ENTREP2: variants seen among roughly 807,000 people sequenced by gnomAD.
The protein encoded by ENTREP2 is protein ENTREP2.
the ENTREP2 span, among the ~76,000 whole-genome samples, chr15:29,622,526 A>G: frequency 2.0e-5 from 3 of 152,106 alleles, no homozygotes; most frequent in Non-Finnish European, 2.9e-5. Context: ...AAATTTTATT[A>G]TATGTGTTTT....
the ENTREP2 span, among the ~76,000 whole-genome samples, chr15:29,386,126 C>T: frequency 6.6e-6 from 1 of 152,176 alleles, no homozygotes; most frequent in Non-Finnish European, 1.5e-5. Context: ...CCTCCAAGCC[C>T]ATGTGTGATC....
chr15:29,519,309 T>C, the ENTREP2 span, among the ~76,000 whole-genome samples: 2 of 152,030 alleles, frequency 1.3e-5, no homozygotes, highest in East Asian at 1.9e-4. Context: ...TCCACTTATA[T>C]GTGGATTTTT....
the ENTREP2 span, among the ~76,000 whole-genome samples, chr15:29,558,649 C>T: frequency 3.3e-3 from 2 of 602 alleles, no homozygotes; most frequent in South Asian, 0.038. Context: ...GTCAAAGTTA[C>T]ACCAAGTGTG....
At chr15:29,502,963 G>C in the ENTREP2 span, among the ~76,000 whole-genome samples, 5 of 151,914 alleles carry the variant, frequency 3.3e-5, no homozygotes, top group South Asian at 1.0e-3. Flanking sequence ...CAGAAAATAA[G>C]TGTTGGCAAG....
the ENTREP2 span, among the ~76,000 whole-genome samples, chr15:29,304,202 A>C: frequency 6.6e-6 from 1 of 152,060 alleles, no homozygotes; most frequent in Non-Finnish European, 1.5e-5. Context: ...TTTCTTTATC[A>C]ACACTCCACT....
chr15:29,412,543 T>G, the ENTREP2 span, among the ~76,000 whole-genome samples: 2 of 152,176 alleles, frequency 1.3e-5, no homozygotes, highest in African/African-American at 2.4e-5. Flanking sequence ...AGTTTGTATA[T>G]GTATTTTTTC....
the ENTREP2 span, among the ~76,000 whole-genome samples, chr15:29,189,299 A>C: frequency 2.6e-5 from 4 of 152,078 alleles, no homozygotes; most frequent in Non-Finnish European, 5.9e-5. Flanking sequence ...AACTGAGCAC[A>C]CCCAGCTGGT....
the ENTREP2 span, among the ~76,000 whole-genome samples, chr15:29,652,382 C>T: frequency 6.6e-6 from 1 of 152,240 alleles, no homozygotes; most frequent in Non-Finnish European, 1.5e-5. Context: ...ATCTTGCTCA[C>T]CCTCCACTTG....
chr15:29,649,934 C>T, the ENTREP2 span, among the ~76,000 whole-genome samples: 1 of 151,802 alleles, frequency 6.6e-6, no homozygotes, highest in African/African-American at 2.4e-5. Context: ...GGGACATTTC[C>T]CCTTGGTAAC....
At chr15:29,234,609 A>C in the ENTREP2 span, 1 of 1,539,512 alleles carries the variant, frequency 6.5e-7, no homozygotes, top group Non-Finnish European at 9.0e-7. Flanking sequence ...TCTTTTGTGC[A>C]GCTAGTTTTG....
the ENTREP2 span, among the ~76,000 whole-genome samples, chr15:29,181,668 C>T: frequency 6.6e-6 from 1 of 152,024 alleles, no homozygotes; most frequent in South Asian, 2.1e-4. Context: ...TAACAGAATA[C>T]AGTTATATGT....
chr15:29,500,583 T>A, the ENTREP2 span, among the ~76,000 whole-genome samples: 10 of 152,092 alleles, frequency 6.6e-5, no homozygotes, highest in East Asian at 1.7e-3. Context: ...ATCTTTCATA[T>A]CAGAGTTTAA....
chr15:29,231,209 C>T, the ENTREP2 span, among the ~76,000 whole-genome samples: 1 of 152,188 alleles, frequency 6.6e-6, no homozygotes, highest in Non-Finnish European at 1.5e-5. Context: ...TACAAAGCTA[C>T]ATTTCTGATA....
At chr15:29,469,404 TG>T in the ENTREP2 span, among the ~76,000 whole-genome samples, 1 of 152,212 alleles carries the variant, frequency 6.6e-6, no homozygotes, top group Non-Finnish European at 1.5e-5. Flanking sequence ...TTCACCATGT[TG>T]GCCAGGCTGG....
the ENTREP2 span, among the ~76,000 whole-genome samples, chr15:29,426,537 T>A: frequency 6.6e-6 from 1 of 152,202 alleles, no homozygotes; most frequent in East Asian, 1.9e-4. Context: ...TCTCTCCTAA[T>A]TTCCCCATCT....
At chr15:29,633,703 G>T in the ENTREP2 span, among the ~76,000 whole-genome samples, 8 of 152,312 alleles carry the variant, frequency 5.3e-5, no homozygotes, top group South Asian at 1.5e-3. Context: ...GCTCACGCCT[G>T]TAATCCCAGC....
the ENTREP2 span, among the ~76,000 whole-genome samples, chr15:29,573,875 A>T: frequency 1.3e-5 from 2 of 152,170 alleles, no homozygotes; most frequent in African/African-American, 2.4e-5. Context: ...GTTTTACAGA[A>T]TTTTTTAATC....
the ENTREP2 span, among the ~76,000 whole-genome samples, chr15:29,246,474 C>G: frequency 1.4e-5 from 2 of 138,402 alleles, no homozygotes; most frequent in African/African-American, 5.4e-5. Flanking sequence ...GCAGGTGGAT[C>G]GCCTGAGGTC....
chr15:29,489,546 T>G, the ENTREP2 span, among the ~76,000 whole-genome samples: 1 of 152,210 alleles, frequency 6.6e-6, no homozygotes, highest in African/African-American at 2.4e-5. Flanking sequence ...CCAAAAACTA[T>G]TTTAATTGAA....
Sources: allele counts gnomAD v4.1 joint callset (sites outside exome capture counted in the v4.1 genomes callset), GRCh38; gene constraint gnomAD v4.1.1; transcripts MANE v1.5; gene names NCBI Gene and HGNC (gene_info 2026-07-23, HGNC 2026-07-21).